Variants in SLC13A4 observed in about 807,000 individuals in gnomAD.
The protein encoded by SLC13A4 is solute carrier family 13 member 4.
SLC13A4 carries 28 observed loss-of-function variants against 72.7 expected under a neutral mutation model. That is an observed-to-expected ratio of 0.39 (90% confidence interval 0.29 to 0.53). SLC13A4 has a LOEUF of 0.53. SLC13A4 is among the 20% of genes least tolerant of loss of function. The pLI, the probability that SLC13A4 is intolerant of heterozygous loss-of-function variation, is 0.78. For synonymous variants in SLC13A4, 312 were observed against 325.5 expected (o/e 0.96, Z 0.45); for missense variants, 653 against 788.0 (o/e 0.83, Z 2.05).
intron 1 of SLC13A4, among the ~76,000 whole-genome samples, chr7:135,724,496 C>A (rs1796611120): frequency 1.2e-5 from 1 of 80,586 alleles, no homozygotes. Flanking sequence ...GAGACTCTGT[C>A]TCAGAAAAAA....
At chr7:135,716,560 G>A (rs1355848422) in intron 2 of SLC13A4, among the ~76,000 whole-genome samples, 5 of 152,154 alleles carry the variant, frequency 3.3e-5, no homozygotes, top group Non-Finnish European at 5.9e-5. Context: ...TGATCCGCCT[G>A]CCTTGGCCTC....
chr7:135,682,792 T>C (rs902291115), intron 15 of SLC13A4, among the ~76,000 whole-genome samples: 3 of 152,186 alleles, frequency 2.0e-5, no homozygotes, highest in Non-Finnish European at 4.4e-5. Flanking sequence ...CTTTGAAAAT[T>C]ACTGCCTCTG....
At chr7:135,720,565 A>C (rs868675591) in intron 2 of SLC13A4, among the ~76,000 whole-genome samples, 63 of 142,084 alleles carry the variant, frequency 4.4e-4, no homozygotes, top group African/African-American at 1.8e-3. Flanking sequence ...AAAAAAAAAA[A>C]AAAAAAAAAC....
intron 5 of SLC13A4, chr7:135,703,601 CAGA>C (rs939183097): frequency 2.0e-5 from 3 of 152,374 alleles, no homozygotes; most frequent in Non-Finnish European, 2.9e-5. Flanking sequence ...GCCTTGAGGA[CAGA>C]AGAAGATGAG....
chr7:135,714,180 G>C (rs899874796), intron 2 of SLC13A4, among the ~76,000 whole-genome samples: 1 of 152,196 alleles, frequency 6.6e-6, no homozygotes, highest in Non-Finnish European at 1.5e-5. Flanking sequence ...TAAAGAAAAG[G>C]TTTCATTGCT....
chr7:135,691,843 G>A (rs914745184), intron 11 of SLC13A4, 198 bp from the exon 12 acceptor site: 19 of 541,336 alleles, frequency 3.5e-5, no homozygotes, highest in Admixed American at 2.8e-4. Flanking sequence ...TGGAGGCAGG[G>A]CCTGGCTAGA....
Position 135,685,602 on chromosome 7 carries a change from A to C in SLC13A4, c.1528T>G (p.Cys510Gly). 2 of 1,614,228 alleles carry C rather than the reference A, an allele frequency of 1.2e-6. No individual in the cohort carries two copies. The highest frequency in any genetic ancestry group is 2.2e-5 in the East Asian group (1 of 44,890). Residue 510 changes from cysteine to glycine, a missense_variant, in exon 14 of 16, where the codon TGC becomes GGC. Transcript: ENST00000682651. ...LPPWAVTLLACILVSIVTEFV... is the reference protein window; with the variant it reads ...LPPWAVTLLAGILVSIVTEFV... ...TCAGTGACAATGGACACGAGGATGC[A>C]TGCCAGCAGGGTGACAGCCCACGGT...
chr7:135,682,262 C>T lies in SLC13A4; in HGVS notation c.1747-562G>A, dbSNP rs186492018. On this transcript the variant is annotated intron_variant, in intron 15 of 15. Coordinates refer to ENST00000682651, the MANE Select transcript of SLC13A4 (RefSeq NM_001318192.2). The stretch of plus-strand genomic sequence containing the variant: ...CATGCTAGCTGGAATGGAGCCTTTG[C>T]TTCTTTCCTCTGAGGGAATTACACC... Among the ~76,000 whole-genome samples, 3 of 152,328 alleles carry T rather than the reference C, an allele frequency of 2.0e-5. 1 individual carries two copies. Among genetic ancestry groups the T allele is most frequent in the Admixed American group, 1.3e-4 (2 of 15,306 alleles).
intron 15 of SLC13A4, 69 bp from the exon 16 acceptor site, chr7:135,681,769 T>G: frequency 6.4e-7 from 1 of 1,567,790 alleles, no homozygotes; most frequent in Non-Finnish European, 8.7e-7. Context: ...AAGTCCCCCT[T>G]CTGTTCCTGC....
In SLC13A4 at chr7:135,719,803, ATGTG is replaced by A. The variant is rs113694819; in HGVS notation, c.228+1588_228+1591del. On this transcript the variant is annotated intron_variant, in intron 2 of 15. Transcript: ENST00000682651. ...CACATGTGTGTGTGTGTGTGTGTGT[ATGTG>A]TGTGTGTGTGTGTGTGTGTGTATAG... 6.4e-3 allele frequency among the ~76,000 whole-genome samples: 668 copies of A among 104,944 alleles called. 4 individuals carry two copies. Among genetic ancestry groups the A allele is most frequent in the South Asian group, 0.043 (139 of 3,212 alleles). 68.8% of individuals were successfully genotyped at this position (104,944 alleles called of 152,430 possible).
chr7:135,727,177 G>A (rs1026806551), intron 1 of SLC13A4, among the ~76,000 whole-genome samples: 4 of 152,218 alleles, frequency 2.6e-5, no homozygotes, highest in Admixed American at 6.5e-5. Context: ...ACCCCGGTGG[G>A]GGCCATGGGG....
chr7:135,706,511 C>T (rs1333052500), intron 3 of SLC13A4, among the ~76,000 whole-genome samples: 16 of 152,226 alleles, frequency 1.1e-4, no homozygotes, highest in African/African-American at 3.9e-4. Flanking sequence ...GAATGAATCA[C>T]ACTTCATGGA....
intron 7 of SLC13A4, among the ~76,000 whole-genome samples, chr7:135,700,206 TC>T (rs1339422628): frequency 6.6e-6 from 1 of 152,154 alleles, no homozygotes; most frequent in Non-Finnish European, 1.5e-5. Context: ...ACTTTTTTCT[TC>T]CCCCTTGCAG....
chr7:135,726,683 G>A (rs116942194), intron 1 of SLC13A4, among the ~76,000 whole-genome samples: 174 of 152,320 alleles, frequency 1.1e-3, no homozygotes, highest in Non-Finnish European at 1.7e-3. Context: ...ATGAGGTCAC[G>A]GGCTAGAGTT....
intron 14 of SLC13A4, among the ~76,000 whole-genome samples, 171 bp downstream of exon 14, chr7:135,685,351 G>T (rs2129493721): frequency 6.6e-6 from 1 of 152,262 alleles, no homozygotes; most frequent in Admixed American, 6.5e-5. Flanking sequence ...TTTACTAGTT[G>T]CTATTTGAAA....
chr7:135,705,799 G>A, intron 4 of SLC13A4, 149 bp from the exon 5 acceptor site: 4 of 688,876 alleles, frequency 5.8e-6, no homozygotes, highest in South Asian at 1.8e-5. Context: ...ATAGAATGGG[G>A]CTCATGGATG....
intron 2 of SLC13A4, among the ~76,000 whole-genome samples, chr7:135,715,356 TGA>T (rs1355840133): frequency 2.1e-5 from 3 of 140,042 alleles, no homozygotes; most frequent in Non-Finnish European, 3.1e-5. Flanking sequence ...AGCGTGTGTA[TGA>T]GTGTATGTGT....
chr7:135,713,188 A>T (rs1563167824), intron 2 of SLC13A4, among the ~76,000 whole-genome samples: 1 of 152,222 alleles, frequency 6.6e-6, no homozygotes, highest in African/African-American at 2.4e-5. Context: ...GAGAAATTAG[A>T]TTCTAAATGG....
Position 135,727,520 on chromosome 7 carries a change from G to C in SLC13A4, c.-24C>G. The C allele has an allele frequency of 6.5e-7, 1 of 1,541,908 alleles. No homozygotes were observed. The highest frequency in any genetic ancestry group is 8.8e-7 in the Non-Finnish European group (1 of 1,140,448). On this transcript the variant is annotated 5_prime_UTR_variant, in exon 1 of 16. Coordinates refer to ENST00000682651, the MANE Select transcript of SLC13A4 (RefSeq NM_001318192.2). The stretch of plus-strand genomic sequence containing the variant: ...ATCGCGCCTCTGTCCTCTCCAGCTC[G>C]TCCTTGGACCCCGCTCTGCCGGCGA...
Sources: allele counts gnomAD v4.1 joint callset (sites outside exome capture counted in the v4.1 genomes callset), GRCh38; gene constraint gnomAD v4.1.1; transcripts MANE v1.5; gene names NCBI Gene and HGNC (gene_info 2026-07-23, HGNC 2026-07-21).